COBL: variants seen among roughly 807,000 people sequenced by gnomAD.
The protein encoded by COBL is protein cordon-bleu.
COBL carries 51 observed loss-of-function variants against 98.8 expected under a neutral mutation model. The ratio of observed to expected loss-of-function variants is 0.52; its 90% confidence interval spans 0.41 to 0.65. The LOEUF is 0.65. Among genes scored for constraint, COBL ranks in the 30% least tolerant of loss-of-function variants. COBL has a pLI of 0.00. For synonymous variants in COBL, 634 were observed against 651.7 expected (o/e 0.97, Z 0.41); for missense variants, 1,617 against 1,617.5 (o/e 1.00, Z 0.01).
intron 2 of COBL, among the ~76,000 whole-genome samples, chr7:51,208,236 GC>G (rs1791983494): frequency 1.4e-5 from 2 of 147,260 alleles, no homozygotes; most frequent in Admixed American, 6.7e-5. Context: ...CCGCCCGGCA[GC>G]CGCCCCGTCT....
rs1233484308 is a variant in COBL at position 51,027,894 on chromosome 7, CCT to C, written c.3200_3201del (p.Glu1067GlyfsTer12). 1.2e-6 allele frequency: 2 copies of C among 1,614,078 alleles called. No homozygotes were observed. The highest frequency in any genetic ancestry group is 1.7e-6 in the Non-Finnish European group (2 of 1,180,044). ...GTESHILLER[E>X]EKPSVFSTDG... ...TCTGTAGAGAACACACTGGGCTTTT[CCT>C]CTCTTTCTAGGAGAATGTGGCTTTC... On this transcript the variant is annotated frameshift_variant, in exon 10 of 13. Transcript: ENST00000265136. LOFTEE classifies it high-confidence loss of function.
chr7:51,244,563 T>A (rs1420111075), intron 1 of COBL, among the ~76,000 whole-genome samples: 2 of 152,106 alleles, frequency 1.3e-5, no homozygotes, highest in South Asian at 4.1e-4. Context: ...ACCAAACCGA[T>A]AGGGTCTCAT....
intron 2 of COBL, among the ~76,000 whole-genome samples, chr7:51,216,980 T>C (rs1342281102): frequency 3.3e-5 from 5 of 152,228 alleles, no homozygotes; most frequent in Non-Finnish European, 7.3e-5. Flanking sequence ...AGCAAGGAGC[T>C]ACTGCATCCG....
At chr7:51,316,070 G>T (rs1157386744) in intron 1 of COBL, among the ~76,000 whole-genome samples, 2 of 152,178 alleles carry the variant, frequency 1.3e-5, no homozygotes, top group Non-Finnish European at 2.9e-5. Flanking sequence ...CGCGGGGCCC[G>T]GGCGGCTGCG....
intron 5 of COBL, among the ~76,000 whole-genome samples, chr7:51,142,352 G>C (rs1799841452): frequency 6.7e-6 from 1 of 150,048 alleles, no homozygotes; most frequent in African/African-American, 2.4e-5. Context: ...TTCTTAAAAT[G>C]AGCAAACAAA....
At chr7:51,209,275 G>A (rs1373809987) in intron 2 of COBL, among the ~76,000 whole-genome samples, 4 of 151,978 alleles carry the variant, frequency 2.6e-5, no homozygotes, top group Admixed American at 1.3e-4. Context: ...TACAAACAAC[G>A]CTCAAAGCTA....
At chr7:51,146,364 A>G (rs1488357067) in intron 5 of COBL, among the ~76,000 whole-genome samples, 1 of 152,190 alleles carries the variant, frequency 6.6e-6, no homozygotes, top group African/African-American at 2.4e-5. Context: ...CGGCTGGTCA[A>G]GTGCACATCC....
intron 5 of COBL, among the ~76,000 whole-genome samples, chr7:51,144,129 G>T (rs897039987): frequency 6.6e-6 from 1 of 152,222 alleles, no homozygotes; most frequent in Non-Finnish European, 1.5e-5. Flanking sequence ...GGCGGCATGT[G>T]AGCTGACACC....
chr7:51,269,521 G>C (rs1044724572), intron 1 of COBL, among the ~76,000 whole-genome samples: 3 of 152,206 alleles, frequency 2.0e-5, no homozygotes, highest in African/African-American at 4.8e-5. Flanking sequence ...CAGGACGTGG[G>C]GGGCAGAGGT....
At chr7:51,147,756 T>TTC (rs1350554110) in intron 5 of COBL, among the ~76,000 whole-genome samples, 3 of 149,686 alleles carry the variant, frequency 2.0e-5, no homozygotes, top group South Asian at 4.3e-4. Context: ...TTCTTTTCTT[T>TTC]TTTTTTTTTT....
intron 7 of COBL, among the ~76,000 whole-genome samples, chr7:51,070,414 C>T (rs916546947): frequency 6.6e-6 from 1 of 151,988 alleles, no homozygotes; most frequent in African/African-American, 2.4e-5. Flanking sequence ...CACACACACA[C>T]ACACACACAC....
Position 51,043,503 on chromosome 7 carries a change from T to C in COBL, c.1286A>G (p.Lys429Arg). 1.2e-6 allele frequency: 2 copies of C among 1,614,184 alleles called. No homozygotes were observed. The highest frequency in any genetic ancestry group is 1.7e-6 in the Non-Finnish European group (2 of 1,180,024). ...LDSQQDSMKYKDKWATDQEDC... is the reference protein window; with the variant it reads ...LDSQQDSMKYRDKWATDQEDC... ...TTCCTGGTCTGTGGCCCACTTGTCT[T>C]TGTATTTCATGCTGTCCTGCTGCGA... Residue 429 changes from lysine (K) to arginine (R), a missense_variant, in exon 8 of 13, where the codon AAA becomes AGA. By Grantham distance (26) the Lys-to-Arg change is conservative. Around this residue, in one of 3 missense-constraint regions of COBL, gnomAD observed 1,304 missense variants for 1,282.0 expected, o/e 1.02. Coordinates refer to ENST00000265136, the MANE Select transcript of COBL (RefSeq NM_015198.5).
chr7:51,124,477 T>G (rs1798019256), intron 6 of COBL, among the ~76,000 whole-genome samples: 1 of 152,160 alleles, frequency 6.6e-6, no homozygotes, highest in South Asian at 2.1e-4. Context: ...ACCCAGTGTA[T>G]CTCTGGCTCC....
chr7:51,034,116 G>C (rs1297941845), intron 8 of COBL: 1 of 152,868 alleles, frequency 6.5e-6, no homozygotes, highest in Non-Finnish European at 1.5e-5. Flanking sequence ...GGCCTCACTT[G>C]GCACTCTATA....
chr7:51,105,106 A>C (rs1303296812), intron 6 of COBL, among the ~76,000 whole-genome samples: 1 of 152,034 alleles, frequency 6.6e-6, no homozygotes, highest in African/African-American at 2.4e-5. Context: ...ACCACTGAGA[A>C]ACTGGGGAGG....
intron 6 of COBL, among the ~76,000 whole-genome samples, chr7:51,106,038 C>CAAA (rs527330225): frequency 6.1e-4 from 75 of 123,696 alleles, no homozygotes; most frequent in Non-Finnish European, 8.3e-4. Flanking sequence ...ACTAAAAATA[C>CAAA]AAAAAAAAAA....
In COBL at chr7:51,030,833, C is replaced by T. The variant is rs753268259; in HGVS notation, c.1483G>A (p.Glu495Lys). 1 of 1,612,260 alleles carries T rather than the reference C, an allele frequency of 6.2e-7. No individual in the cohort carries two copies. The highest frequency in any genetic ancestry group is 2.2e-5 in the East Asian group (1 of 44,842). Residue 495 changes from glutamate to lysine, a missense_variant, in exon 9 of 13, where the codon GAA (glutamate) becomes AAA (lysine). Glu to Lys is a moderately conservative substitution (Grantham distance 56). Coordinates refer to ENST00000265136, the MANE Select transcript of COBL (RefSeq NM_015198.5). ...TTACCTTCCAGGTCTTCATCAAGTT[C>T]TGCAAGGGTTTTACGGAACTCTCCA... ...IAGEFRKTLA[E>K]LDEDLEEMED...
At chr7:51,297,031 A>G (rs112273953) in intron 1 of COBL, among the ~76,000 whole-genome samples, 3,595 of 152,200 alleles carry the variant, frequency 0.024, 134 homozygotes, top group African/African-American at 0.083. Flanking sequence ...CCAGGGAAGC[A>G]CCCTCAAACC....
chr7:51,223,018 C>T (rs1793803200), intron 1 of COBL, among the ~76,000 whole-genome samples: 1 of 152,252 alleles, frequency 6.6e-6, no homozygotes, highest in African/African-American at 2.4e-5. Context: ...CTACAGCACA[C>T]ACAAAGGTGG....
Sources: allele counts gnomAD v4.1 joint callset (sites outside exome capture counted in the v4.1 genomes callset), GRCh38; gene constraint gnomAD v4.1.1; regional missense constraint gnomAD v4.1.1; transcripts MANE v1.5; gene names NCBI Gene and HGNC (gene_info 2026-07-23, HGNC 2026-07-21).